SEMA6D: variants seen among roughly 807,000 people sequenced by gnomAD.
The protein encoded by SEMA6D is semaphorin 6D, also known as semaphorin-6D.
A neutral mutation model predicts 106.6 loss-of-function variants in SEMA6D; 35 were observed. The observed-to-expected ratio is 0.33, with a 90% CI of 0.25 to 0.44. SEMA6D has a LOEUF of 0.44. SEMA6D is among the 20% of genes least tolerant of loss of function. The pLI is 1.00. For missense variants in SEMA6D, 1,185 were observed against 1,345.9 expected, an observed-to-expected ratio of 0.88 and a Z score of 1.87; for synonymous variants, 499 against 487.7, an observed-to-expected ratio of 1.02 and a Z score of -0.31.
intron 2 of SEMA6D, among the ~76,000 whole-genome samples, chr15:47,457,022 A>G (rs1422232038): frequency 1.3e-5 from 2 of 152,012 alleles, no homozygotes; most frequent in East Asian, 1.9e-4. Flanking sequence ...GTCTCAAGAG[A>G]TCACATAAGG....
chr15:47,256,314 A>G (rs1025434017), intron 1 of SEMA6D, among the ~76,000 whole-genome samples: 7 of 152,194 alleles, frequency 4.6e-5, no homozygotes, highest in Non-Finnish European at 7.4e-5. Flanking sequence ...TGGACATACT[A>G]TGTTGAGCTT....
chr15:47,297,652 T>C (rs1028949898), intron 1 of SEMA6D, among the ~76,000 whole-genome samples: 1 of 152,056 alleles, frequency 6.6e-6, no homozygotes, highest in Non-Finnish European at 1.5e-5. Context: ...ATAACTACGG[T>C]TATTACAAAA....
rs528570721 is a variant in SEMA6D, at chr15:47,327,906, G to GT, written c.-238-84480dup. On this transcript the variant is annotated intron_variant, in intron 1 of 19. Transcript: ENST00000558014. ...TGCCAGGATCAAGGTACTATTAATA[G>GT]TTTTTTTCATTTAACTATCTCAGCG... Among the ~76,000 whole-genome samples the GT allele has an allele frequency of 2.6e-4, 39 of 152,194 alleles. No homozygotes were observed. In the East Asian group the frequency reaches 6.8e-3, roughly 26 times the overall value.
At chr15:47,329,981 C>T (rs1047442903) in intron 1 of SEMA6D, among the ~76,000 whole-genome samples, 5 of 152,168 alleles carry the variant, frequency 3.3e-5, no homozygotes, top group African/African-American at 1.2e-4. Context: ...AGATTAAAAC[C>T]GTGCTAAACT....
intron 4 of SEMA6D, among the ~76,000 whole-genome samples, chr15:47,655,580 C>T (rs2077776530): frequency 6.6e-6 from 1 of 152,194 alleles, no homozygotes; most frequent in African/African-American, 2.4e-5. Flanking sequence ...CATTCGCTTC[C>T]TTCAAAGAAG....
intron 1 of SEMA6D, among the ~76,000 whole-genome samples, chr15:47,348,891 A>G (rs955822249): frequency 1.3e-4 from 20 of 152,118 alleles, no homozygotes; most frequent in African/African-American, 4.8e-4. Flanking sequence ...AGAGGATGGA[A>G]GAGGCATTTG....
At chr15:47,266,730 A>G (rs1333320774) in intron 1 of SEMA6D, among the ~76,000 whole-genome samples, 1 of 152,072 alleles carries the variant, frequency 6.6e-6, no homozygotes, top group African/African-American at 2.4e-5. Context: ...CAGGAAGATA[A>G]CCATCTAGGA....
intron 1 of SEMA6D, among the ~76,000 whole-genome samples, chr15:47,720,690 G>A (rs963563916): frequency 2.0e-5 from 3 of 152,156 alleles, no homozygotes; most frequent in African/African-American, 7.2e-5. Context: ...TCACAAAGAT[G>A]GCCATAATTG....
chr15:47,716,591 T>C (rs1166278584), upstream of SEMA6D, among the ~76,000 whole-genome samples: 1 of 152,186 alleles, frequency 6.6e-6, no homozygotes, highest in Admixed American at 6.5e-5. Flanking sequence ...ATAATTCAAC[T>C]GGAAATTAAT....
At chr15:47,255,357 T>C (rs1373360988) in intron 1 of SEMA6D, among the ~76,000 whole-genome samples, 1 of 151,982 alleles carries the variant, frequency 6.6e-6, no homozygotes, top group East Asian at 1.9e-4. Context: ...AGCTAAAAGA[T>C]GTGTCAATTT....
chr15:47,509,075 C>T (rs905137263), intron 3 of SEMA6D, among the ~76,000 whole-genome samples: 8 of 152,008 alleles, frequency 5.3e-5, no homozygotes, highest in Admixed American at 2.0e-4. Context: ...TTCTGGACAC[C>T]TCTTGAGCTG....
intron 2 of SEMA6D, among the ~76,000 whole-genome samples, chr15:47,442,148 A>G (rs956123998): frequency 5.9e-5 from 9 of 152,098 alleles, no homozygotes; most frequent in Non-Finnish European, 1.3e-4. Flanking sequence ...CAATACATTG[A>G]CAATATTTCC....
At chr15:47,472,043 C>A (rs923068304) in intron 3 of SEMA6D, among the ~76,000 whole-genome samples, 3 of 151,718 alleles carry the variant, frequency 2.0e-5, no homozygotes, top group African/African-American at 7.3e-5. Context: ...AGATAGAGGA[C>A]ACAAATACTT....
chr15:47,455,670 T>G lies in SEMA6D; in HGVS notation c.-158-14804T>G, dbSNP rs141334237. On this transcript the variant is annotated intron_variant, in intron 2 of 19. Transcript: ENST00000558014. The stretch of plus-strand genomic sequence containing the variant: ...CACCTATCTTCATTGCCCTTCCACA[T>G]TTCTCACCACCATTAACTCCACTTT... 9.2e-3 allele frequency among the ~76,000 whole-genome samples: 1,397 copies of G among 152,080 alleles called. 21 individuals are homozygous for G. The highest frequency in any genetic ancestry group is 0.032 in the African/African-American group (1,340 of 41,534).
intron 4 of SEMA6D, among the ~76,000 whole-genome samples, chr15:47,669,803 A>G (rs2078104392): frequency 6.6e-6 from 1 of 152,186 alleles, no homozygotes; most frequent in South Asian, 2.1e-4. Context: ...CATGTGGTCT[A>G]CAACAAACCG....
At chr15:47,761,838 T>C (rs1403622142) in intron 7 of SEMA6D, 87 bp downstream of exon 7, 1 of 1,126,116 alleles carries the variant, frequency 8.9e-7, no homozygotes, top group African/African-American at 1.6e-5. Context: ...AGTTAATAAC[T>C]TGGATACCCA....
At chr15:47,518,127 T>A (rs1173692779) in intron 3 of SEMA6D, among the ~76,000 whole-genome samples, 1 of 152,240 alleles carries the variant, frequency 6.6e-6, no homozygotes, top group African/African-American at 2.4e-5. Context: ...GCTATTTATT[T>A]ACATTTTAAA....
intron 4 of SEMA6D, among the ~76,000 whole-genome samples, chr15:47,626,929 C>T (rs142805908): frequency 1.1e-4 from 16 of 152,012 alleles, no homozygotes; most frequent in African/African-American, 3.6e-4. Flanking sequence ...ATCATTTGAC[C>T]GAGAACAGGA....
intron 1 of SEMA6D, among the ~76,000 whole-genome samples, chr15:47,190,697 CA>C: frequency 6.6e-6 from 1 of 152,322 alleles, no homozygotes; most frequent in African/African-American, 2.4e-5. Context: ...TTCCTGCTTA[CA>C]AAGATCTAAC....
Sources: allele counts gnomAD v4.1 joint callset (sites outside exome capture counted in the v4.1 genomes callset), GRCh38; gene constraint gnomAD v4.1.1; transcripts MANE v1.5; gene names NCBI Gene and HGNC (gene_info 2026-07-23, HGNC 2026-07-21).